Variants in KLK9 observed in about 807,000 individuals in gnomAD.
KLK9 encodes the protein kallikrein related peptidase 9.
KLK9 carries 26 observed loss-of-function variants against 23.3 expected under a neutral mutation model. The ratio of observed to expected loss-of-function variants is 1.12; its 90% CI spans 0.82 to 1.55. The LOEUF (loss-of-function observed/expected upper bound fraction) is 1.55. Among genes scored for constraint, KLK9 ranks in the 40% most tolerant of loss-of-function variants. The pLI is 0.00. For synonymous variants in KLK9, 122 were observed against 128.5 expected, an observed-to-expected ratio of 0.95 and a Z score of 0.34; for missense variants, 346 against 333.7, an observed-to-expected ratio of 1.04 and a Z score of -0.29.
At position 51,006,287 on chromosome 19, in the gene KLK9, T is replaced by G. The variant is rs2091255215; in HGVS notation, c.466+171A>C. ...CACTTCTTCGCAGTTCATGAAATAA[T>G]GGCACATCTTAAAAATGCTAGCATC... is the stretch of plus-strand genomic sequence containing the variant. On this transcript the variant is annotated intron_variant, in intron 3 of 4. Transcript: ENST00000594211. This position sits in a 1 kb window ranked among gnomAD's most constrained non-coding sequence, Gnocchi z 4.1. Among the ~76,000 whole-genome samples, 1 of 151,892 alleles carries G rather than the reference T, an allele frequency of 6.6e-6. No homozygotes were observed. The highest frequency in any genetic ancestry group is 1.5e-5 in the Non-Finnish European group (1 of 67,936).
rs1312153986 is a variant in KLK9, at chr19:51,006,886, A to G, written c.201-163T>C. On this transcript the variant is annotated intron_variant, in intron 2 of 4. Transcript: ENST00000594211. The surrounding 1 kb of genome is among the most constrained non-coding windows in gnomAD (Gnocchi z 4.1). ...TCTGGCCCAGGGTACTGTGATTTTA[A>G]GCGAGGCACACACCTCCTCTGGGTC... 6.6e-6 allele frequency among the ~76,000 whole-genome samples: 1 copy of G among 151,762 alleles called. No individual in the cohort carries two copies. Among genetic ancestry groups the G allele is most frequent in the Non-Finnish European group, 1.5e-5 (1 of 67,852 alleles).
Position 51,006,330 on chromosome 19 carries a change from T to G in KLK9, c.466+128A>C. 1 of 926,020 alleles carries G rather than the reference T, an allele frequency of 1.1e-6. No individual in the cohort carries two copies. The highest frequency in any genetic ancestry group is 1.6e-6 in the Non-Finnish European group (1 of 637,002). 57.4% of individuals were successfully genotyped at this position (926,020 alleles called of 1,614,324 possible). The stretch of plus-strand genomic sequence containing the variant: ...CTAGCATCTTATATTTGGTTAAATA[T>G]ATCGATTGGCAGATAGATAGACTGA... On this transcript the variant is annotated intron_variant, in intron 3 of 4. Coordinates refer to ENST00000594211, the MANE Select transcript of KLK9 (RefSeq NM_012315.2). The surrounding 1 kb of genome is among the most constrained non-coding windows in gnomAD (Gnocchi z 4.1).
At position 51,003,772 on chromosome 19, in the gene KLK9, A is replaced by G. The variant is rs2091244949; in HGVS notation, c.535T>C (p.Tyr179His). Residue 179 changes from tyrosine to histidine, a missense_variant, in exon 4 of 5, where the codon TAC becomes CAC. Tyr to His is a moderately conservative substitution (Grantham distance 83). Transcript: ENST00000594211. ...ATGCTGTCCGAGATGTGTCCAGGGT[A>G]TGCCCAGTGACAGAGTTTGTTCTCC... ...ILENKLCHWA[Y>H]PGHISDSMLC... is the part of the protein sequence containing the mutation. The G allele has an allele frequency of 1.9e-6, 3 of 1,613,230 alleles. No individual in the cohort carries two copies. Among genetic ancestry groups the G allele is most frequent in the South Asian group, 1.1e-5 (1 of 91,062 alleles).
At position 51,003,178 on chromosome 19, in the gene KLK9, C is replaced by CG. The variant is rs2091241320; in HGVS notation, c.685dup (p.Arg229ProfsTer14). ...TACGCTGGTGTAGACTGCGGGGCGC[C>CG]GGGGTCTGGAGCAGGGCTCAGCACC... On this transcript the variant is annotated frameshift_variant, in exon 5 of 5. Transcript: ENST00000594211. LOFTEE classifies it low-confidence loss of function (END_TRUNC). 2 of 1,593,400 alleles carry CG rather than the reference C, an allele frequency of 1.3e-6. No individual in the cohort carries two copies. Among genetic ancestry groups the CG allele is most frequent in the Non-Finnish European group, 1.7e-6 (2 of 1,169,698 alleles).
rs779419220 is a variant in KLK9, at chr19:51,003,239, C to A, written c.625G>T (p.Val209Phe). The stretch of plus-strand genomic sequence containing the variant: ...ACGCCTGCCAAGGTTCCATTGCAAA[C>A]CAGGGGGCCCCCAGAGTCACCCTGT... ...SCQGDSGGPL[V>F]CNGTLAGVVS... is the part of the protein sequence containing the mutation. The change falls in exon 5 of 5, where the codon GTT becomes TTT. Residue 209 changes from valine (V) to phenylalanine (F), a missense_variant. Val to Phe is a conservative substitution (Grantham distance 50, BLOSUM62 -1). Transcript: ENST00000594211. The A allele has an allele frequency of 1.5e-4, 235 of 1,612,676 alleles. No homozygotes were observed. Among genetic ancestry groups the A allele is most frequent in the Non-Finnish European group, 1.9e-4 (220 of 1,179,564 alleles).
rs2091256574 is a variant in KLK9 at position 51,006,606 on chromosome 19, A to G, written c.318T>C (p.Asn106=). 1.2e-6 allele frequency: 2 copies of G among 1,613,286 alleles called. No individual in the cohort carries two copies. Among genetic ancestry groups the G allele is most frequent in the Admixed American group, 1.7e-5 (1 of 59,974 alleles). The change falls in exon 3 of 5, where the codon AAT becomes AAC. Residue 106 remains asparagine (N), a synonymous_variant. Coordinates refer to ENST00000594211, the MANE Select transcript of KLK9 (RefSeq NM_012315.2). This position sits in a 1 kb window ranked among gnomAD's most constrained non-coding sequence, Gnocchi z 4.1. ...TCAGCATGATGTCATCATTGTGGTC[A>G]TTGGCGCTGAGGTCCTTGTTGAAGC... The part of the protein sequence containing the change: ...HPGFNKDLSA[N]DHNDDIMLIR...
rs748657584 is a variant in KLK9 at position 51,009,224 on chromosome 19, G to A, written c.159C>T (p.Ile53=). 7.5e-6 allele frequency: 12 copies of A among 1,610,260 alleles called. No individual in the cohort carries two copies. Among genetic ancestry groups the A allele is most frequent in the Non-Finnish European group, 1.0e-5 (12 of 1,179,186 alleles). The change falls in exon 2 of 5, where the codon ATC becomes ATT. Residue 53 remains isoleucine (I), a synonymous_variant. Transcript: ENST00000594211. This position sits in a 1 kb window ranked among gnomAD's most constrained non-coding sequence, Gnocchi z 4.8. ...CAGCTGTGAGCAGCCAGCGGTCACT[G>A]ATGAGGGTCGCCCCACAGAAGAGCC... ...LTRLFCGATL[I]SDRWLLTAAH...
chr19:51,007,800 C>T (rs2091261370), intron 2 of KLK9, among the ~76,000 whole-genome samples: 1 of 152,054 alleles, frequency 6.6e-6, no homozygotes, highest in South Asian at 2.1e-4. Context: ...AGGATTCCTG[C>T]ATCAGGTGGA....
intron 2 of KLK9, among the ~76,000 whole-genome samples, chr19:51,007,066 G>C (rs1253528718): frequency 6.6e-6 from 1 of 151,840 alleles, no homozygotes; most frequent in Admixed American, 6.6e-5. Flanking sequence ...GTGGGCACGG[G>C]GGACCCCACC....
chr19:51,009,519 A>G lies in KLK9; in HGVS notation c.29T>C (p.Leu10Pro). ...GGGAGCCTCACCTGCCAGCAGAGAG[A>G]GCAGAGCACAGAGGAGTCCCAGCTT... is the stretch of plus-strand genomic sequence containing the variant. MKLGLLCAL[L>P]SLLAGHGWAD... Residue 10 changes from leucine to proline, a missense_variant, in exon 1 of 5, where the codon CTC (leucine) becomes CCC (proline). By Grantham distance (98) the Leu-to-Pro change is moderately conservative (BLOSUM62 -3). Transcript: ENST00000594211. The surrounding 1 kb of genome is among the most constrained non-coding windows in gnomAD (Gnocchi z 4.8). 1 of 1,612,544 alleles carries G rather than the reference A, an allele frequency of 6.2e-7. No individual in the cohort carries two copies. The highest frequency in any genetic ancestry group is 8.5e-7 in the Non-Finnish European group (1 of 1,179,428).
intron 3 of KLK9, among the ~76,000 whole-genome samples, chr19:51,005,513 T>G (rs2091252082): frequency 1.3e-5 from 2 of 152,010 alleles, no homozygotes; most frequent in African/African-American, 4.8e-5. Context: ...GGGAAGAAAA[T>G]TGGAACAGTA....
Position 51,009,439 on chromosome 19 carries a change from G to A in KLK9, c.43+66C>T. ...TAGAGGGCAGGAGGCAGAAGCCTGG[G>A]ATGGGAGGGAAGAGCAAGGTGACCT... On this transcript the variant is annotated intron_variant, in intron 1 of 4. Transcript: ENST00000594211. This position sits in a 1 kb window ranked among gnomAD's most constrained non-coding sequence, Gnocchi z 4.8. The A allele has an allele frequency of 6.4e-7, 1 of 1,563,736 alleles. No homozygotes were observed. The highest frequency in any genetic ancestry group is 8.7e-7 in the Non-Finnish European group (1 of 1,153,718).
Position 51,007,531 on chromosome 19 carries a change from T to A in KLK9, c.201-808A>T, listed in dbSNP as rs577385411. On this transcript the variant is annotated intron_variant, in intron 2 of 4. Transcript: ENST00000594211. ...AAAGTAGTCCTCACCCCTACATCCCTTCATCCCCCTACCCTTCCCCTGCCT... is the reference window on the plus strand; with the variant it reads ...AAAGTAGTCCTCACCCCTACATCCCATCATCCCCCTACCCTTCCCCTGCCT... Among the ~76,000 whole-genome samples the A allele has an allele frequency of 3.3e-5, 5 of 151,936 alleles. No individual in the cohort carries two copies. In the South Asian group the frequency reaches 1.0e-3, roughly 32 times the overall value.
rs1218186438 is a variant in KLK9 at position 51,006,624 on chromosome 19, G to T, written c.300C>A (p.Asn100Lys). The stretch of plus-strand genomic sequence containing the variant: ...TGTGGTCATTGGCGCTGAGGTCCTT[G>T]TTGAAGCCAGGGTGGGGGAAGAAGT... ...VTDFFPHPGF[N>K]KDLSANDHND... Residue 100 changes from asparagine to lysine, a missense_variant, in exon 3 of 5, where the codon AAC (asparagine) becomes AAA (lysine). By Grantham distance (94) the Asn-to-Lys change is moderately conservative. Transcript: ENST00000594211. This position sits in a 1 kb window ranked among gnomAD's most constrained non-coding sequence, Gnocchi z 4.1. The T allele has an allele frequency of 6.2e-7, 1 of 1,613,316 alleles. No homozygotes were observed. The highest frequency in any genetic ancestry group is 1.7e-5 in the Admixed American group (1 of 59,978).
intron 2 of KLK9, among the ~76,000 whole-genome samples, chr19:51,008,833 G>A (rs2091265632): frequency 6.6e-6 from 1 of 152,192 alleles, no homozygotes; most frequent in African/African-American, 2.4e-5. Flanking sequence ...CCTCTGGGCA[G>A]TGCTGACCCA....
chr19:51,003,596 G>T, intron 4 of KLK9, 108 bp downstream of exon 4: 1 of 975,226 alleles, frequency 1.0e-6, no homozygotes, highest in Non-Finnish European at 1.6e-6. Flanking sequence ...AGGTATCCCA[G>T]TCTCCTTCTC....
rs978188319 is a variant in KLK9 at position 51,009,097 on chromosome 19, C to A, written c.200+86G>T. ...ACTTGTGGTATCAGAAGTGGAGGCT[C>A]CGCACTTCTGGCCTAAAGCACCCCT... On this transcript the variant is annotated intron_variant, in intron 2 of 4. Transcript: ENST00000594211. The surrounding 1 kb of genome is among the most constrained non-coding windows in gnomAD (Gnocchi z 4.8). The A allele has an allele frequency of 3.4e-6, 5 of 1,449,804 alleles. No homozygotes were observed. The highest frequency in any genetic ancestry group is 4.6e-6 in the Non-Finnish European group (5 of 1,086,308). 89.8% of individuals were successfully genotyped at this position (1,449,804 alleles called of 1,614,324 possible). A position where few individuals can be genotyped will look rare whatever the true frequency, so the allele number is the denominator to read the frequency against.
rs137993095 is a variant in KLK9, at chr19:51,005,853, C to A, written c.466+605G>T. The stretch of plus-strand genomic sequence containing the variant: ...CAGCACTTTGGGAGTCCAAGGCGGG[C>A]AGATCACCAGGTCAGGAATTTGAGA... On this transcript the variant is annotated intron_variant, in intron 3 of 4. Transcript: ENST00000594211. Among the ~76,000 whole-genome samples the A allele has an allele frequency of 7.9e-3, 1,192 of 151,246 alleles. 13 individuals carry two copies. Among genetic ancestry groups the A allele is most frequent in the African/African-American group, 0.027 (1,118 of 41,332 alleles).
Position 51,006,161 on chromosome 19 carries a change from A to C in KLK9, c.466+297T>G, listed in dbSNP as rs1201576361. Among the ~76,000 whole-genome samples, 1 of 149,224 alleles carries C rather than the reference A, an allele frequency of 6.7e-6. No individual in the cohort carries two copies. The highest frequency in any genetic ancestry group is 1.9e-4 in the East Asian group (1 of 5,184). Reference sequence around the variant, plus strand: ...ACAAACAAACAAACAAACACTCTGAAATTAGAATGTGTCTTCCAGAAAATG... The same window carrying C: ...ACAAACAAACAAACAAACACTCTGACATTAGAATGTGTCTTCCAGAAAATG... On this transcript the variant is annotated intron_variant, in intron 3 of 4. Coordinates refer to ENST00000594211, the MANE Select transcript of KLK9 (RefSeq NM_012315.2). The surrounding 1 kb of genome is among the most constrained non-coding windows in gnomAD (Gnocchi z 4.1).
Sources: gnomAD v4.1 joint callset for allele counts (sites outside exome capture counted in the v4.1 genomes callset) on GRCh38, gnomAD v4.1.1 for gene constraint, Gnocchi (gnomAD v3.1) non-coding constraint, MANE v1.5 for transcripts, NCBI Gene and HGNC (gene_info 2026-07-23, HGNC 2026-07-21) for gene names.